The following CTNND1 variants were observed in gnomAD, a reference collection of about 807,000 sequenced individuals.
CTNND1 encodes the protein catenin delta-1.
In CTNND1, 16 loss-of-function variants were observed where a neutral mutation model predicts 112.1. That is an observed-to-expected ratio of 0.14 (90% confidence interval 0.10 to 0.22). CTNND1 has a LOEUF of 0.22. CTNND1 is among the 10% of genes least tolerant of loss of function. The probability of loss-of-function intolerance (pLI) is 1.00; values close to 1 mark genes in which losing one functional copy is unlikely to be tolerated. For synonymous variants in CTNND1, 420 were observed against 446.5 expected, an observed-to-expected ratio of 0.94 and a Z score of 0.75; for missense variants, 1,008 against 1,257.0, an observed-to-expected ratio of 0.80 and a Z score of 3.00.
At position 57,796,978 on chromosome 11, in the gene CTNND1, TCGTCGG is replaced by T. The variant is rs748434162; in HGVS notation, c.945_950del (p.Arg316_Arg317del). The T allele has an allele frequency of 6.8e-7, 1 of 1,473,022 alleles. No individual in the cohort carries two copies. Among genetic ancestry groups the T allele is most frequent in the South Asian group, 1.5e-5 (1 of 67,080 alleles). 91.2% of individuals were successfully genotyped at this position (1,473,022 alleles called of 1,614,324 possible). ...GTCGGACTGGGACACCCTCTGACCCTCGTCGGCGCCTCAGGTAGGCAAGAATAGGGG... is the reference window on the plus strand; with the variant it reads ...GTCGGACTGGGACACCCTCTGACCCTCGCCTCAGGTAGGCAAGAATAGGGG... On this transcript the variant is annotated inframe_deletion, in exon 6 of 21. Coordinates refer to ENST00000399050, the MANE Select transcript of CTNND1 (RefSeq NM_001085458.2).
chr11:57,798,787 G>A (rs1304392238), intron 6 of CTNND1, among the ~76,000 whole-genome samples: 1 of 152,180 alleles, frequency 6.6e-6, no homozygotes, highest in Non-Finnish European at 1.5e-5. Context: ...GGCTTTGCAG[G>A]CCATGTATCA....
In CTNND1 at chr11:57,817,135, GAGA is replaced by G. The variant is rs1413078448; in HGVS notation, c.*830_*832del. 1 of 152,968 alleles carries G rather than the reference GAGA, an allele frequency of 6.5e-6. No homozygotes were observed. The highest frequency in any genetic ancestry group is 1.5e-5 in the Non-Finnish European group (1 of 68,266). 9.5% of individuals were successfully genotyped at this position (152,968 alleles called of 1,614,324 possible). On this transcript the variant is annotated 3_prime_UTR_variant, in exon 21 of 21. Transcript: ENST00000399050. ...AGAATGTCAAGGAAGACTTTTGGTA[GAGA>G]AGGAGCAGAAAGATGTGTTTTTGGG...
chr11:57,770,094 C>T (rs1399011910), intron 1 of CTNND1, among the ~76,000 whole-genome samples: 3 of 151,886 alleles, frequency 2.0e-5, no homozygotes, highest in African/African-American at 4.8e-5. Context: ...TTTGGGAGGC[C>T]GAAGGCAGGT....
Position 57,818,642 on chromosome 11 carries a change from T to A in CTNND1, c.*2334T>A, listed in dbSNP as rs146530142. On this transcript the variant is annotated 3_prime_UTR_variant, in exon 21 of 21. Transcript: ENST00000399050. Reference sequence around the variant, plus strand: ...ACTATATGTGAAACATTTTTTCTTCTGAAGATTCTTAAAAATTGAATGTGG... The same window carrying A: ...ACTATATGTGAAACATTTTTTCTTCAGAAGATTCTTAAAAATTGAATGTGG... The A allele has an allele frequency of 6.6e-6, 1 of 152,360 alleles. No individual in the cohort carries two copies. The highest frequency in any genetic ancestry group is 1.5e-5 in the Non-Finnish European group (1 of 68,032). 9.4% of individuals were successfully genotyped at this position (152,360 alleles called of 1,614,324 possible). A position where few individuals can be genotyped will look rare whatever the true frequency, so the allele number is the denominator to read the frequency against.
In CTNND1 at chr11:57,789,157, T is replaced by C. The variant is rs1402001573; in HGVS notation, c.-95+2T>C. The C allele has an allele frequency of 6.7e-7, 1 of 1,488,570 alleles. No individual in the cohort carries two copies. Among genetic ancestry groups the C allele is most frequent in the Non-Finnish European group, 9.0e-7 (1 of 1,115,362 alleles). The allele number at this position is 1,488,570 out of a possible 1,614,324, so 92.2% of individuals were successfully genotyped here. A position where few individuals can be genotyped will look rare whatever the true frequency, so the allele number is the denominator to read the frequency against. ...TCAGTTGCGACCTTCTCTTAACAGGTGTGTATGGAAATATGTTTATTAAGA... is the reference window on the plus strand; with the variant it reads ...TCAGTTGCGACCTTCTCTTAACAGGCGTGTATGGAAATATGTTTATTAAGA... On this transcript the variant is annotated splice_donor_variant, in intron 2 of 20. Coordinates refer to ENST00000399050, the MANE Select transcript of CTNND1 (RefSeq NM_001085458.2). LOFTEE classifies it low-confidence loss of function (5UTR_SPLICE).
intron 12 of CTNND1, among the ~76,000 whole-genome samples, chr11:57,807,314 A>G (rs562266818): frequency 1.3e-5 from 2 of 152,204 alleles, no homozygotes; most frequent in South Asian, 2.1e-4. Flanking sequence ...ACCAAGAAAG[A>G]TACTTTTTAG....
intron 9 of CTNND1, 69 bp downstream of exon 9, chr11:57,804,849 C>A: frequency 8.9e-7 from 1 of 1,119,842 alleles, no homozygotes; most frequent in Non-Finnish European, 1.3e-6. Context: ...ATCTGTAGGT[C>A]AGAGACCTAT....
Position 57,793,872 on chromosome 11 carries a change from A to G in CTNND1, c.196-138A>G, listed in dbSNP as rs560704183. On this transcript the variant is annotated intron_variant, in intron 3 of 20. Transcript: ENST00000399050. ...AGACTAAAGAGTGAATGGTTCTTTT[A>G]TGAGTACTGACACAAGGACTCCAGG... is the stretch of plus-strand genomic sequence containing the variant. 5.4e-6 allele frequency: 4 copies of G among 745,046 alleles called. No individual in the cohort carries two copies. The East Asian group carries it at 8.0e-5, about 15-fold the overall frequency. The allele number at this position is 745,046 out of a possible 1,614,324, so 46.2% of individuals were successfully genotyped here. A position where few individuals can be genotyped will look rare whatever the true frequency, so the allele number is the denominator to read the frequency against.
chr11:57,803,409 C>T (rs2062257290), intron 7 of CTNND1, among the ~76,000 whole-genome samples: 1 of 152,136 alleles, frequency 6.6e-6, no homozygotes, highest in Admixed American at 6.5e-5. Flanking sequence ...TATAGTTAAA[C>T]ATTGTTTGTT....
At chr11:57,780,889 G>A (rs1033512476) in intron 1 of CTNND1, among the ~76,000 whole-genome samples, 2 of 152,190 alleles carry the variant, frequency 1.3e-5, no homozygotes, top group Non-Finnish European at 2.9e-5. Flanking sequence ...TGGGCAAAGA[G>A]GTGGGGGAAT....
At position 57,791,464 on chromosome 11, in the gene CTNND1, C is replaced by A; in HGVS notation, c.-15C>A. ...CTTTTTACCCTGCCCTGCGGCGGCT[C>A]CGCCCCTTACCTTCATGGACGACTC... On this transcript the variant is annotated 5_prime_UTR_variant, in exon 3 of 21. Coordinates refer to ENST00000399050, the MANE Select transcript of CTNND1 (RefSeq NM_001085458.2). 6.8e-7 allele frequency: 1 copy of A among 1,464,152 alleles called. No individual in the cohort carries two copies. The highest frequency in any genetic ancestry group is 2.6e-5 in the Admixed American group (1 of 37,984). 90.7% of individuals were successfully genotyped at this position (1,464,152 alleles called of 1,614,324 possible).
chr11:57,776,621 A>G (rs1235209806), intron 1 of CTNND1, among the ~76,000 whole-genome samples: 2 of 152,258 alleles, frequency 1.3e-5, no homozygotes, highest in African/African-American at 2.4e-5. Flanking sequence ...ATATCCATTC[A>G]TTATTCCTTT....
chr11:57,815,635 A>C (rs1345991122), intron 19 of CTNND1, 135 bp downstream of exon 19: 5 of 862,176 alleles, frequency 5.8e-6, no homozygotes, highest in Non-Finnish European at 1.0e-5. Flanking sequence ...AAAAAGTAAG[A>C]GTTCTGACTC....
At chr11:57,779,207 A>G (rs1353566644) in intron 1 of CTNND1, among the ~76,000 whole-genome samples, 3 of 152,150 alleles carry the variant, frequency 2.0e-5, no homozygotes, top group Non-Finnish European at 2.9e-5. Flanking sequence ...CATCCTTCCA[A>G]TTGGCACCCT....
rs1565369568 is a variant in CTNND1 at position 57,808,378 on chromosome 11, T to G, written c.2092-12T>G. 1.3e-6 allele frequency: 2 copies of G among 1,598,430 alleles called. No individual in the cohort carries two copies. The highest frequency in any genetic ancestry group is 1.7e-6 in the Non-Finnish European group (2 of 1,167,550). On this transcript the variant is annotated splice_polypyrimidine_tract_variant and intron_variant, in intron 13 of 20. Coordinates refer to ENST00000399050, the MANE Select transcript of CTNND1 (RefSeq NM_001085458.2). ...TGTAATTTGTTCCACCCCTTTCTATTTGCTATTCTAGTATGGTCGATACAT... is the reference window on the plus strand; with the variant it reads ...TGTAATTTGTTCCACCCCTTTCTATGTGCTATTCTAGTATGGTCGATACAT...
chr11:57,804,849 C>T, intron 9 of CTNND1, 69 bp downstream of exon 9: 1 of 1,119,844 alleles, frequency 8.9e-7, no homozygotes, highest in Non-Finnish European at 1.3e-6. Context: ...ATCTGTAGGT[C>T]AGAGACCTAT....
intron 15 of CTNND1, 62 bp downstream of exon 15, chr11:57,809,528 C>T (rs2063083506): frequency 7.0e-7 from 1 of 1,433,172 alleles, no homozygotes; most frequent in Admixed American, 2.2e-5. Flanking sequence ...TTGTTTTCCT[C>T]TTTTGGTTAC....
At chr11:57,784,016 C>T (rs1439106283) in intron 1 of CTNND1, among the ~76,000 whole-genome samples, 1 of 151,924 alleles carries the variant, frequency 6.6e-6, no homozygotes. Flanking sequence ...ACCTCCTAGA[C>T]TCAAGCAATT....
At chr11:57,809,958 G>C (rs951313076) in intron 15 of CTNND1, 151 bp from the exon 16 acceptor site, 1 of 465,324 alleles carries the variant, frequency 2.1e-6, no homozygotes, top group Non-Finnish European at 3.7e-6. Flanking sequence ...TGATCCACCT[G>C]CCTCAGCCTC....
Sources: allele counts gnomAD v4.1 joint callset (sites outside exome capture counted in the v4.1 genomes callset), GRCh38; gene constraint gnomAD v4.1.1; transcripts MANE v1.5; gene names NCBI Gene and HGNC (gene_info 2026-07-23, HGNC 2026-07-21).